LSM3: variants seen among roughly 807,000 people sequenced by gnomAD.
LSM3 encodes the protein U6 snRNA-associated Sm-like protein LSm3.
A neutral mutation model predicts 15.4 loss-of-function variants in LSM3; 14 were observed. The observed-to-expected ratio is 0.91, with a 90% CI of 0.60 to 1.42. The LOEUF (loss-of-function observed/expected upper bound fraction) is 1.42, where lower values mean the gene tolerates loss of function less well. LSM3 is among the 40% of genes most tolerant of loss of function. The pLI is 0.00. For missense variants in LSM3, 88 were observed against 127.9 expected (o/e 0.69, Z 1.50); for synonymous variants, 46 against 45.1 (o/e 1.02, Z -0.08).
At chr3:14,191,330 A>G (rs187670552) in intron 3 of LSM3, among the ~76,000 whole-genome samples, 21 of 151,992 alleles carry the variant, frequency 1.4e-4, no homozygotes, top group East Asian at 5.8e-4. Context: ...CTCTTTTTCT[A>G]TTGTTTGGAA....
At chr3:14,193,882 C>A (rs1454806289) in intron 3 of LSM3, among the ~76,000 whole-genome samples, 1 of 152,164 alleles carries the variant, frequency 6.6e-6, no homozygotes, top group East Asian at 1.9e-4. Context: ...AATTTTCAGC[C>A]TTTTTGTGCT....
At chr3:14,189,495 C>T (rs542947753) in intron 3 of LSM3, among the ~76,000 whole-genome samples, 19 of 152,326 alleles carry the variant, frequency 1.2e-4, no homozygotes, top group African/African-American at 4.3e-4. Flanking sequence ...GATCGCCATT[C>T]TAACTGGCAT....
chr3:14,189,616 CT>C (rs1697120432), intron 3 of LSM3, among the ~76,000 whole-genome samples: 1 of 151,940 alleles, frequency 6.6e-6, no homozygotes, highest in African/African-American at 2.4e-5. Flanking sequence ...AGAAGTGTCT[CT>C]TCATATCCTT....
intron 3 of LSM3, among the ~76,000 whole-genome samples, chr3:14,190,106 G>T (rs950409724): frequency 1.3e-5 from 2 of 152,310 alleles, no homozygotes; most frequent in African/African-American, 4.8e-5. Flanking sequence ...TCAGGTGGTT[G>T]TGGCTGTGTG....
intron 3 of LSM3, among the ~76,000 whole-genome samples, chr3:14,192,907 G>T (rs1029312006): frequency 7.9e-5 from 12 of 152,160 alleles, no homozygotes; most frequent in African/African-American, 2.9e-4. Context: ...TTTTGCAGTG[G>T]CTGGTATTGG....
chr3:14,188,720 A>AT (rs1428930836), intron 3 of LSM3, among the ~76,000 whole-genome samples: 1 of 148,912 alleles, frequency 6.7e-6, no homozygotes, highest in Non-Finnish European at 1.5e-5. Flanking sequence ...ATGTACCATA[A>AT]TTTAACTGTT....
chr3:14,180,837 TTTTTTTTTTTTTTTTTTTTTA>T lies in LSM3; in HGVS notation c.22-722_22-702del, dbSNP rs1369508260. On this transcript the variant is annotated intron_variant, in intron 1 of 3. Transcript: ENST00000306024. ...CTTGCTTGCCTTTTTTTTTTTTTTT[TTTTTTTTTTTTTTTTTTTTTA>T]AAAAAAAAAAAGACAAGAGTCTCAC... 7.4e-4 allele frequency among the ~76,000 whole-genome samples: 91 copies of T among 122,868 alleles called. 2 individuals carry two copies. The East Asian group carries it at 0.019, about 25-fold the overall frequency. The allele number at this position is 122,868 out of a possible 152,430, so 80.6% of individuals were successfully genotyped here. A position where few individuals can be genotyped will look rare whatever the true frequency, so the allele number is the denominator to read the frequency against.
intron 2 of LSM3, among the ~76,000 whole-genome samples, chr3:14,183,105 G>A (rs187939813): frequency 6.6e-6 from 1 of 152,158 alleles, no homozygotes; most frequent in African/African-American, 2.4e-5. Context: ...AAACTTGATG[G>A]TCTCTATCCT....
intron 3 of LSM3, among the ~76,000 whole-genome samples, chr3:14,194,997 A>G (rs1697175390): frequency 6.6e-6 from 1 of 152,062 alleles, no homozygotes; most frequent in African/African-American, 2.4e-5. Context: ...GACTGTGGTA[A>G]CAGGTACCCC....
intron 3 of LSM3, among the ~76,000 whole-genome samples, chr3:14,197,267 A>G (rs1181234718): frequency 6.6e-6 from 1 of 152,254 alleles, no homozygotes; most frequent in Non-Finnish European, 1.5e-5. Context: ...TAAATACATT[A>G]GGCTAACAGC....
intron 3 of LSM3, among the ~76,000 whole-genome samples, chr3:14,197,641 C>G (rs1697198244): frequency 1.3e-5 from 2 of 152,226 alleles, no homozygotes; most frequent in Non-Finnish European, 2.9e-5. Context: ...ATCCCCTGAG[C>G]TCTCGCCATT....
At chr3:14,186,401 C>A (rs1244477105) in intron 3 of LSM3, among the ~76,000 whole-genome samples, 1 of 152,176 alleles carries the variant, frequency 6.6e-6, no homozygotes, top group Non-Finnish European at 1.5e-5. Context: ...CCACTTCATA[C>A]AACTGTGGAG....
intron 3 of LSM3, 62 bp downstream of exon 3, chr3:14,184,094 A>G: frequency 6.6e-7 from 1 of 1,520,470 alleles, no homozygotes; most frequent in Non-Finnish European, 8.8e-7. Context: ...CGAACAGCTT[A>G]ACCCATATTT....
intron 2 of LSM3, among the ~76,000 whole-genome samples, chr3:14,182,866 C>T (rs1480036334): frequency 6.6e-6 from 1 of 152,206 alleles, no homozygotes; most frequent in Non-Finnish European, 1.5e-5. Flanking sequence ...TCTAGGTTGT[C>T]TGACCTGAGC....
At position 14,199,146 on chromosome 3, in the gene LSM3, G is replaced by T. The variant is rs1391485063; in HGVS notation, c.*1030G>T. ...ATAACCTGTTTATAATTATGACTCAGACCATTTTTCCACTCTTGGATCATT... is the reference window on the plus strand; with the variant it reads ...ATAACCTGTTTATAATTATGACTCATACCATTTTTCCACTCTTGGATCATT... On this transcript the variant is annotated 3_prime_UTR_variant, in exon 4 of 4. Coordinates refer to ENST00000306024, the MANE Select transcript of LSM3 (RefSeq NM_014463.3). 2.0e-5 allele frequency: 3 copies of T among 152,172 alleles called. No homozygotes were observed. Among genetic ancestry groups the T allele is most frequent in the Non-Finnish European group, 2.9e-5 (2 of 68,030 alleles). 9.4% of individuals were successfully genotyped at this position (152,172 alleles called of 1,614,324 possible). A position where few individuals can be genotyped will look rare whatever the true frequency, so the allele number is the denominator to read the frequency against.
Position 14,181,600 on chromosome 3 carries a change from T to A in LSM3, c.62T>A (p.Ile21Asn). The change falls in exon 2 of 4, where the codon ATC (isoleucine) becomes AAC (asparagine). Residue 21 changes from isoleucine (I) to asparagine (N), a missense_variant. By Grantham distance (149) the Ile-to-Asn change is moderately radical. Coordinates refer to ENST00000306024, the MANE Select transcript of LSM3 (RefSeq NM_014463.3). ...TNTVEEPLDL[I>N]RLSLDERIYV... ...ACTGTAGAGGAGCCCCTGGATCTTATCAGGCTCAGCCTAGATGAGCGAATT... is the reference window on the plus strand; with the variant it reads ...ACTGTAGAGGAGCCCCTGGATCTTAACAGGCTCAGCCTAGATGAGCGAATT... 6.2e-7 allele frequency: 1 copy of A among 1,613,972 alleles called. No homozygotes were observed. Among genetic ancestry groups the A allele is most frequent in the Non-Finnish European group, 8.5e-7 (1 of 1,179,828 alleles).
chr3:14,188,282 G>GAGC (rs1164554284), intron 3 of LSM3, among the ~76,000 whole-genome samples: 4 of 152,070 alleles, frequency 2.6e-5, no homozygotes, highest in African/African-American at 9.7e-5. Flanking sequence ...ACTCATATTA[G>GAGC]AGCAGCTCTA....
chr3:14,181,159 A>G (rs1340193560), intron 1 of LSM3, among the ~76,000 whole-genome samples: 1 of 152,220 alleles, frequency 6.6e-6, no homozygotes, highest in African/African-American at 2.4e-5. Context: ...TGACTAGTGT[A>G]TGGTAGGCAT....
intron 3 of LSM3, among the ~76,000 whole-genome samples, chr3:14,189,956 T>C (rs760082846): frequency 1.3e-5 from 2 of 152,230 alleles, no homozygotes; most frequent in Non-Finnish European, 2.9e-5. Context: ...CTTTGATCCA[T>C]CTTGAGTTGA....
Sources: gnomAD v4.1 joint callset for allele counts (sites outside exome capture counted in the v4.1 genomes callset) on GRCh38, gnomAD v4.1.1 for gene constraint, MANE v1.5 for transcripts, NCBI Gene and HGNC (gene_info 2026-07-23, HGNC 2026-07-21) for gene names.